The following PTPRD variants were observed in gnomAD, a reference collection of about 807,000 sequenced individuals.
The protein encoded by PTPRD is receptor-type tyrosine-protein phosphatase delta.
PTPRD carries 34 observed loss-of-function variants against 214.5 expected under a neutral mutation model. The observed-to-expected ratio is 0.16, with a 90% CI of 0.12 to 0.21. The LOEUF (loss-of-function observed/expected upper bound fraction) is 0.21. PTPRD is among the 10% of genes least tolerant of loss of function. The pLI is 1.00. For synonymous variants in PTPRD, 1,128 were observed against 845.7 expected, an observed-to-expected ratio of 1.33 and a Z score of -5.79; for missense variants, 2,545 against 2,398.7, an observed-to-expected ratio of 1.06 and a Z score of -1.27.
intron 5 of PTPRD, among the ~76,000 whole-genome samples, chr9:9,928,120 G>T (rs1188405783): frequency 6.6e-6 from 1 of 152,054 alleles, no homozygotes; most frequent in Non-Finnish European, 1.5e-5. Flanking sequence ...AAAATATAAT[G>T]TCAACCGTTA....
intron 9 of PTPRD, among the ~76,000 whole-genome samples, chr9:9,236,667 T>A (rs532590383): frequency 6.3e-5 from 9 of 142,354 alleles, no homozygotes; most frequent in Admixed American, 1.4e-4. Flanking sequence ...AATTCATTTG[T>A]GGTCCTTCCC....
intron 11 of PTPRD, among the ~76,000 whole-genome samples, chr9:9,007,703 C>A (rs921030845): frequency 2.8e-5 from 4 of 142,872 alleles, no homozygotes; most frequent in Non-Finnish European, 6.1e-5. Context: ...ACCCTTCTCC[C>A]GTGTTTGACC....
At chr9:10,105,341 A>G (rs1370041966) in intron 3 of PTPRD, among the ~76,000 whole-genome samples, 1 of 151,856 alleles carries the variant, frequency 6.6e-6, no homozygotes, top group Non-Finnish European at 1.5e-5. Flanking sequence ...CTTTTATGGT[A>G]CTGTTTTTAT....
intron 8 of PTPRD, among the ~76,000 whole-genome samples, chr9:9,469,525 T>C (rs550718815): frequency 6.6e-6 from 1 of 152,132 alleles, no homozygotes; most frequent in Non-Finnish European, 1.5e-5. Context: ...ATAGTAACAA[T>C]ACTTCCTATT....
At chr9:10,012,605 G>T (rs2096624448) in intron 4 of PTPRD, among the ~76,000 whole-genome samples, 1 of 151,856 alleles carries the variant, frequency 6.6e-6, no homozygotes, top group Non-Finnish European at 1.5e-5. Context: ...ATAGGAAAAT[G>T]TCAGATTTTA....
chr9:9,517,386 T>C (rs1372563505), intron 8 of PTPRD, among the ~76,000 whole-genome samples: 1 of 152,068 alleles, frequency 6.6e-6, no homozygotes, highest in Middle Eastern at 3.2e-3. Context: ...TGAGGTAATG[T>C]GACATAGATA....
At chr9:8,634,206 T>A (rs1020178069) in intron 13 of PTPRD, among the ~76,000 whole-genome samples, 2 of 151,522 alleles carry the variant, frequency 1.3e-5, no homozygotes, top group African/African-American at 4.9e-5. Context: ...ACACTGATAA[T>A]CCTGGGTACT....
intron 6 of PTPRD, among the ~76,000 whole-genome samples, chr9:9,739,631 A>C (rs948733213): frequency 6.6e-6 from 1 of 151,490 alleles, no homozygotes; most frequent in African/African-American, 2.4e-5. Flanking sequence ...GTTTATTTAA[A>C]AAAAAAAGCC....
chr9:8,519,852 ATTAGT>A (rs1332888306), intron 20 of PTPRD, among the ~76,000 whole-genome samples: 1 of 152,160 alleles, frequency 6.6e-6, no homozygotes, highest in Non-Finnish European at 1.5e-5. Flanking sequence ...TGAACAAAAT[ATTAGT>A]TTAAAGTGGC....
chr9:10,195,289 T>C (rs1280611076), intron 3 of PTPRD, among the ~76,000 whole-genome samples: 1 of 152,046 alleles, frequency 6.6e-6, no homozygotes. Flanking sequence ...AGGAAGGTAA[T>C]GATTGAGCCT....
chr9:9,652,597 A>C (rs923030488), intron 7 of PTPRD, among the ~76,000 whole-genome samples: 5 of 151,944 alleles, frequency 3.3e-5, no homozygotes, highest in African/African-American at 1.2e-4. Flanking sequence ...TATCTCTCTA[A>C]ATTATAAAAT....
At chr9:8,340,740 G>T (rs1407463014) in intron 41 of PTPRD, among the ~76,000 whole-genome samples, 1 of 147,748 alleles carries the variant, frequency 6.8e-6, no homozygotes, top group Non-Finnish European at 1.5e-5. Flanking sequence ...CAATTTCATT[G>T]TCATACAAAT....
At chr9:9,750,139 C>T (rs1359176) in intron 6 of PTPRD, among the ~76,000 whole-genome samples, 61,045 of 151,956 alleles carry the variant, frequency 0.4, 13,145 homozygotes, top group African/African-American at 0.52. Context: ...TGCCAATATG[C>T]TAAATCCTTT....
chr9:9,641,846 G>C (rs1439707393), intron 7 of PTPRD, among the ~76,000 whole-genome samples: 1 of 152,076 alleles, frequency 6.6e-6, no homozygotes, highest in South Asian at 2.1e-4. Flanking sequence ...AATCACCCTA[G>C]CACCTGGACC....
rs1194585754 is a variant in PTPRD at position 8,880,316 on chromosome 9, G to C, written c.-104+138381C>G. On this transcript the variant is annotated intron_variant, in intron 11 of 45. Coordinates refer to ENST00000381196, the MANE Select transcript of PTPRD (RefSeq NM_002839.4). ...GAAGGGATTGTAAATCCTCTCTCAAGTTGGTTTTTCTGAGGAAGGCTTCAA... is the reference window on the plus strand; with the variant it reads ...GAAGGGATTGTAAATCCTCTCTCAACTTGGTTTTTCTGAGGAAGGCTTCAA... Among the ~76,000 whole-genome samples, 4 of 152,168 alleles carry C rather than the reference G, an allele frequency of 2.6e-5. No homozygotes were observed. In the South Asian group the frequency reaches 8.3e-4, roughly 32 times the overall value.
intron 9 of PTPRD, among the ~76,000 whole-genome samples, chr9:9,214,466 GC>G (rs1458902535): frequency 6.6e-6 from 1 of 150,728 alleles, no homozygotes; most frequent in Admixed American, 6.7e-5. Flanking sequence ...AAACGTTAAA[GC>G]AGTTAAGGGA....
rs553501138 is a variant in PTPRD, at chr9:9,142,912, C to G, written c.-143+40392G>C. 2.2e-4 allele frequency among the ~76,000 whole-genome samples: 33 copies of G among 152,188 alleles called. No homozygotes were observed. In the South Asian group the frequency reaches 6.0e-3, roughly 28 times the overall value. On this transcript the variant is annotated intron_variant, in intron 10 of 45. Transcript: ENST00000381196. ...TGGTCTTCTGGCTTCCTGTTGAGTT[C>G]AACCCCTAGGGAACACAGTAGGAGC... is the stretch of plus-strand genomic sequence containing the variant.
At chr9:10,048,819 C>T (rs907864041) in intron 3 of PTPRD, among the ~76,000 whole-genome samples, 6 of 151,988 alleles carry the variant, frequency 3.9e-5, no homozygotes, top group African/African-American at 9.7e-5. Flanking sequence ...AAAATGCTAA[C>T]AATTCATAGT....
intron 7 of PTPRD, among the ~76,000 whole-genome samples, chr9:9,600,729 T>G (rs977549383): frequency 6.6e-6 from 1 of 152,136 alleles, no homozygotes; most frequent in African/African-American, 2.4e-5. Context: ...GAATAACAAT[T>G]ATAACAGAAC....
Sources: allele counts gnomAD v4.1 joint callset (sites outside exome capture counted in the v4.1 genomes callset), GRCh38; gene constraint gnomAD v4.1.1; transcripts MANE v1.5; gene names NCBI Gene and HGNC (gene_info 2026-07-23, HGNC 2026-07-21).